Variants in ODAD2 observed in about 807,000 individuals in gnomAD.
ODAD2 encodes the protein outer dynein arm-docking complex subunit 2.
A neutral mutation model predicts 106.8 loss-of-function variants in ODAD2; 89 were observed. That is an observed-to-expected ratio of 0.83 (90% CI 0.70 to 0.99). The LOEUF (loss-of-function observed/expected upper bound fraction) is 0.99. Ranked by LOEUF, ODAD2 falls within the 50% of genes least tolerant of loss-of-function variation. ODAD2 has a pLI of 0.00. For synonymous variants in ODAD2, 404 were observed against 436.2 expected, an observed-to-expected ratio of 0.93 and a Z score of 0.92; for missense variants, 1,168 against 1,238.5, an observed-to-expected ratio of 0.94 and a Z score of 0.85.
At chr10:27,983,442 T>C (rs897765259) in intron 6 of ODAD2, among the ~76,000 whole-genome samples, 1 of 152,174 alleles carries the variant, frequency 6.6e-6, no homozygotes, top group African/African-American at 2.4e-5. Flanking sequence ...CTTCTACATT[T>C]AGATAAGCCC....
At position 27,936,715 on chromosome 10, in the gene ODAD2, C is replaced by G; in HGVS notation, c.2252+11G>C. ...TATCTTCATTTCAGAATATTGAGAG[C>G]CTTCTCTTACTTGGTAACATTCTCT... On this transcript the variant is annotated intron_variant, in intron 15 of 19. Transcript: ENST00000305242. The G allele has an allele frequency of 6.2e-7, 1 of 1,613,652 alleles. No individual in the cohort carries two copies. The highest frequency in any genetic ancestry group is 8.5e-7 in the Non-Finnish European group (1 of 1,179,758).
chr10:27,957,550 G>A (rs1289851027), intron 10 of ODAD2: 1 of 152,186 alleles, frequency 6.6e-6, no homozygotes, highest in Non-Finnish European at 1.5e-5. Flanking sequence ...GGGGTTCATT[G>A]CTTCCTTTAG....
At chr10:27,814,986 T>A (rs1836017715) in intron 19 of ODAD2, among the ~76,000 whole-genome samples, 1 of 152,204 alleles carries the variant, frequency 6.6e-6, no homozygotes, top group Non-Finnish European at 1.5e-5. Flanking sequence ...ATGCCTATTT[T>A]AAATCTTCCT....
chr10:27,906,595 A>C (rs1026615898), intron 17 of ODAD2, among the ~76,000 whole-genome samples: 3 of 152,210 alleles, frequency 2.0e-5, no homozygotes, highest in Admixed American at 1.3e-4. Context: ...TCACAATAGC[A>C]AAGACTTGGA....
chr10:27,934,897 G>T, intron 16 of ODAD2, 113 bp downstream of exon 16: 1 of 1,304,458 alleles, frequency 7.7e-7, no homozygotes, highest in South Asian at 1.4e-5. Flanking sequence ...ATGACACACT[G>T]TATTTTTTCA....
chr10:27,928,928 G>A (rs563615252), intron 16 of ODAD2, among the ~76,000 whole-genome samples: 2 of 152,208 alleles, frequency 1.3e-5, no homozygotes, highest in East Asian at 3.9e-4. Flanking sequence ...TGGTGACCAA[G>A]ACACTGAGTC....
chr10:27,999,292 G>A (rs1850740587), upstream of ODAD2, among the ~76,000 whole-genome samples: 1 of 152,156 alleles, frequency 6.6e-6, no homozygotes, highest in African/African-American at 2.4e-5. Flanking sequence ...TTAAAATGGA[G>A]CAGAAAGGAA....
intron 10 of ODAD2, among the ~76,000 whole-genome samples, chr10:27,960,307 TTA>T (rs982979324): frequency 7.3e-6 from 1 of 136,066 alleles, no homozygotes; most frequent in Non-Finnish European, 1.6e-5. Context: ...ATTTATTTAT[TTA>T]TTTCATTATT....
intron 16 of ODAD2, among the ~76,000 whole-genome samples, chr10:27,924,544 T>A (rs1845103254): frequency 1.1e-5 from 1 of 88,606 alleles, no homozygotes; most frequent in Non-Finnish European, 2.3e-5. Context: ...TACATCCAGT[T>A]AATAAAATAA....
chr10:27,841,164 C>T (rs1838278643), intron 19 of ODAD2, among the ~76,000 whole-genome samples: 1 of 152,098 alleles, frequency 6.6e-6, no homozygotes, highest in Non-Finnish European at 1.5e-5. Context: ...TTAATGGGTA[C>T]TCCAAGTTAT....
intron 16 of ODAD2, among the ~76,000 whole-genome samples, chr10:27,909,779 C>T (rs1589991477): frequency 7.6e-6 from 1 of 131,412 alleles, no homozygotes; most frequent in African/African-American, 2.8e-5. Flanking sequence ...GATTGCACCA[C>T]TGCACTCCAG....
chr10:27,880,418 G>A (rs780532511), intron 17 of ODAD2, among the ~76,000 whole-genome samples: 1 of 152,096 alleles, frequency 6.6e-6, no homozygotes, highest in African/African-American at 2.4e-5. Context: ...CAAGACAGTG[G>A]TTCTCAAATT....
chr10:27,911,919 A>T (rs1045372224), intron 16 of ODAD2, among the ~76,000 whole-genome samples: 12 of 152,348 alleles, frequency 7.9e-5, no homozygotes, highest in African/African-American at 2.9e-4. Context: ...GAAACAAGAC[A>T]GCCTTTGCTT....
chr10:27,852,178 A>C (rs11006744), intron 19 of ODAD2, among the ~76,000 whole-genome samples: 86,008 of 152,072 alleles, frequency 0.57, 25,229 homozygotes, highest in Middle Eastern at 0.69. Flanking sequence ...GGAAAGTTAA[A>C]AGTCTTCTAG....
chr10:27,867,304 G>T (rs1184273102), intron 17 of ODAD2, among the ~76,000 whole-genome samples: 1 of 152,162 alleles, frequency 6.6e-6, no homozygotes, highest in Non-Finnish European at 1.5e-5. Context: ...GACTTTTCAG[G>T]CTGTGATGAA....
At chr10:27,849,360 C>G (rs547024380) in intron 19 of ODAD2, among the ~76,000 whole-genome samples, 21 of 147,516 alleles carry the variant, frequency 1.4e-4, no homozygotes, top group Middle Eastern at 3.5e-3. Flanking sequence ...AATGAGAACA[C>G]TTGGACACAG....
At chr10:27,935,308 T>G in intron 15 of ODAD2, 56 bp from the exon 16 acceptor site, 1 of 1,591,740 alleles carries the variant, frequency 6.3e-7, no homozygotes, top group Non-Finnish European at 8.6e-7. Context: ...TTGCTAAAAA[T>G]TACTAAATGT....
chr10:27,903,754 C>A (rs953890738), intron 17 of ODAD2, among the ~76,000 whole-genome samples: 2 of 152,220 alleles, frequency 1.3e-5, no homozygotes, highest in Admixed American at 1.3e-4. Context: ...GCCTCCAGTG[C>A]GGTACCTCCT....
At chr10:27,823,728 T>C (rs144191673) in intron 19 of ODAD2, among the ~76,000 whole-genome samples, 1,804 of 152,318 alleles carry the variant, frequency 0.012, 17 homozygotes, top group Middle Eastern at 0.02. Context: ...CTGATCCAAA[T>C]AAGCAATTTT....
Sources: gnomAD v4.1 joint callset for allele counts (sites outside exome capture counted in the v4.1 genomes callset) on GRCh38, gnomAD v4.1.1 for gene constraint, MANE v1.5 for transcripts, NCBI Gene and HGNC (gene_info 2026-07-23, HGNC 2026-07-21) for gene names.